RGS20: variants seen among roughly 807,000 people sequenced by gnomAD.
RGS20 encodes the protein regulator of G protein signaling 20, also known as gz-selective GTPase-activating protein.
A neutral mutation model predicts 33.6 loss-of-function variants in RGS20; 30 were observed. The ratio of observed to expected loss-of-function variants is 0.89; its 90% CI spans 0.67 to 1.21. The LOEUF is 1.21. Among genes scored for constraint, RGS20 ranks in the 50% most tolerant of loss-of-function variants. The pLI is 0.00. For missense variants in RGS20, 472 were observed against 502.4 expected (o/e 0.94, Z 0.58); for synonymous variants, 208 against 197.9 (o/e 1.05, Z -0.43).
chr8:53,883,352 C>CG (rs1812451255), intron 2 of RGS20, among the ~76,000 whole-genome samples: 1 of 151,774 alleles, frequency 6.6e-6, no homozygotes, highest in Non-Finnish European at 1.5e-5. Flanking sequence ...TTAGTGGAGA[C>CG]GGGGTTTCTC....
intron 3 of RGS20, 148 bp downstream of exon 2, chr8:53,939,872 G>C (rs998227720): frequency 2.2e-6 from 2 of 904,414 alleles, no homozygotes; most frequent in Admixed American, 6.2e-5. Context: ...CTGACACACA[G>C]GGACACCCAA....
intron 2 of RGS20, among the ~76,000 whole-genome samples, chr8:53,903,596 C>A (rs758908631): frequency 2.0e-5 from 3 of 152,184 alleles, no homozygotes; most frequent in Non-Finnish European, 4.4e-5. Flanking sequence ...CACAGCTCAG[C>A]ACTCTCCATG....
Position 53,879,362 on chromosome 8 carries a change from C to G in RGS20, c.270C>G (p.Leu90=). ...TCGCAAGGTTCTTCTCTCACCTTCTCCGGCGACCCCCTCCCGAGGCTCCCC... is the reference window on the plus strand; with the variant it reads ...TCGCAAGGTTCTTCTCTCACCTTCTGCGGCGACCCCCTCCCGAGGCTCCCC... Residue 90 remains leucine (L), a synonymous_variant, in exon 2 of 6, where the codon CTC becomes CTG. Coordinates refer to ENST00000297313, the MANE Select transcript of RGS20 (RefSeq NM_170587.4). 6.2e-7 allele frequency: 1 copy of G among 1,611,824 alleles called. No individual in the cohort carries two copies. Among genetic ancestry groups the G allele is most frequent in the Non-Finnish European group, 8.5e-7 (1 of 1,179,940 alleles).
intron 4 of RGS20, among the ~76,000 whole-genome samples, chr8:53,952,899 C>CA (rs1341885170): frequency 1.3e-5 from 2 of 151,960 alleles, no homozygotes; most frequent in Non-Finnish European, 2.9e-5. Flanking sequence ...GGGGTAAGCC[C>CA]AAAATCAAGT....
chr8:53,864,430 GAAAAAA>G (rs754317203), intron 1 of RGS20, among the ~76,000 whole-genome samples: 2 of 82,900 alleles, frequency 2.4e-5, no homozygotes, highest in East Asian at 3.6e-4. Context: ...AAGACTCCAT[GAAAAAA>G]AAAAAAAAAA....
intron 3 of RGS20, among the ~76,000 whole-genome samples, chr8:53,943,775 T>G (rs900863764): frequency 6.6e-6 from 1 of 152,164 alleles, no homozygotes; most frequent in African/African-American, 2.4e-5. Flanking sequence ...TTCCTCTGCT[T>G]TTTCATACCC....
At chr8:53,912,788 A>T (rs1212199322) in intron 2 of RGS20, among the ~76,000 whole-genome samples, 1 of 152,204 alleles carries the variant, frequency 6.6e-6, no homozygotes, top group Admixed American at 6.5e-5. Context: ...TTAAACTATT[A>T]GGTTACCCTG....
chr8:53,934,520 T>C (rs1814072565), intron 2 of RGS20, among the ~76,000 whole-genome samples: 1 of 152,144 alleles, frequency 6.6e-6, no homozygotes, highest in South Asian at 2.1e-4. Flanking sequence ...AGGGCATCAT[T>C]ACATAATGGT....
intron 2 of RGS20, among the ~76,000 whole-genome samples, chr8:53,902,499 G>A (rs1392424543): frequency 3.3e-5 from 5 of 152,270 alleles, no homozygotes; most frequent in Admixed American, 6.5e-5. Flanking sequence ...TCCCATCAGC[G>A]GTGCGGGAGA....
At chr8:53,905,166 T>A (rs1211827916) in intron 2 of RGS20, among the ~76,000 whole-genome samples, 3 of 152,232 alleles carry the variant, frequency 2.0e-5, no homozygotes, top group Non-Finnish European at 4.4e-5. Flanking sequence ...AGTCTTTTGT[T>A]ACTATTAAGC....
At position 53,877,571 on chromosome 8, in the gene RGS20, C is replaced by T. The variant is rs904624408; in HGVS notation, c.166-1687C>T. Among the ~76,000 whole-genome samples the T allele has an allele frequency of 1.3e-5, 2 of 152,254 alleles. No individual in the cohort carries two copies. The highest frequency in any genetic ancestry group is 2.4e-5 in the African/African-American group (1 of 41,470). The stretch of plus-strand genomic sequence containing the variant: ...TCGCCCACTTTCCCCCTCGAGGGAG[C>T]TGTTGGCGCTTCTCCAGAAGCCTCC... On this transcript the variant is annotated intron_variant, in intron 1 of 5. Transcript: ENST00000297313. This position sits in a 1 kb window ranked among gnomAD's most constrained non-coding sequence, Gnocchi z 5.7.
At chr8:53,881,211 G>C (rs1812371199) in intron 2 of RGS20, 127 bp downstream of exon 1, 2 of 682,096 alleles carry the variant, frequency 2.9e-6, no homozygotes, top group African/African-American at 1.9e-5. Flanking sequence ...CGCCGTTGCT[G>C]CGGGGCGGGA....
At chr8:53,944,415 G>A (rs1018721918) in intron 3 of RGS20, among the ~76,000 whole-genome samples, 5 of 152,028 alleles carry the variant, frequency 3.3e-5, no homozygotes, top group Admixed American at 6.6e-5. Context: ...GTGCGCGCCT[G>A]TAGTCCCAGC....
chr8:53,893,387 AC>A (rs1812769621), intron 2 of RGS20, among the ~76,000 whole-genome samples: 1 of 152,202 alleles, frequency 6.6e-6, no homozygotes, highest in African/African-American at 2.4e-5. Context: ...AAAATAGTAA[AC>A]CTGGAGGCGG....
At chr8:53,942,644 C>T (rs1037980263) in intron 3 of RGS20, among the ~76,000 whole-genome samples, 1 of 152,010 alleles carries the variant, frequency 6.6e-6, no homozygotes, top group Admixed American at 6.6e-5. Context: ...TATAGTTATA[C>T]AATCCACTAC....
intron 2 of RGS20, among the ~76,000 whole-genome samples, chr8:53,926,756 A>C (rs1204067777): frequency 6.6e-6 from 1 of 152,064 alleles, no homozygotes; most frequent in Non-Finnish European, 1.5e-5. Context: ...TACTAAAAAT[A>C]CAAAAATTAG....
chr8:53,881,042 G>C (rs773954650), intron 2 of RGS20: 10 of 1,567,016 alleles, frequency 6.4e-6, no homozygotes, highest in Non-Finnish European at 8.6e-6. Context: ...GAGGCGAGCC[G>C]GCCGGGGCTT....
chr8:53,913,605 T>A (rs973752417), intron 2 of RGS20: 2 of 152,070 alleles, frequency 1.3e-5, no homozygotes, highest in African/African-American at 4.8e-5. Flanking sequence ...GAGGGAGAGC[T>A]TCAAAGACCC....
At chr8:53,868,670 G>A (rs1281811487) in intron 1 of RGS20, among the ~76,000 whole-genome samples, 1 of 150,744 alleles carries the variant, frequency 6.6e-6, no homozygotes, top group Non-Finnish European at 1.5e-5. Flanking sequence ...ATATATATAT[G>A]TATGTCTATA....
Sources: allele counts gnomAD v4.1 joint callset (sites outside exome capture counted in the v4.1 genomes callset), GRCh38; gene constraint gnomAD v4.1.1; non-coding constraint Gnocchi (gnomAD v3.1); transcripts MANE v1.5; gene names NCBI Gene and HGNC (gene_info 2026-07-23, HGNC 2026-07-21).